LRMDA: variants seen among roughly 807,000 people sequenced by gnomAD.
The protein encoded by LRMDA is leucine-rich melanocyte differentiation-associated protein.
A neutral mutation model predicts 29.8 loss-of-function variants in LRMDA; 18 were observed. That is an observed-to-expected ratio of 0.60 (90% confidence interval 0.42 to 0.90). The LOEUF is 0.90. LRMDA is among the 40% of genes least tolerant of loss of function. The pLI is 0.00. For synonymous variants in LRMDA, 125 were observed against 109.4 expected (o/e 1.14, Z -0.89); for missense variants, 273 against 273.9 (o/e 1.00, Z 0.02).
chr10:76,315,331 T>C (rs1207746680), intron 5 of LRMDA, among the ~76,000 whole-genome samples: 1 of 152,176 alleles, frequency 6.6e-6, no homozygotes, highest in Non-Finnish European at 1.5e-5. Context: ...CCGCACTCCT[T>C]GGTGCAGCTG....
chr10:76,332,799 A>C (rs1840920696), intron 6 of LRMDA, among the ~76,000 whole-genome samples: 1 of 152,324 alleles, frequency 6.6e-6, no homozygotes, highest in Middle Eastern at 3.4e-3. Flanking sequence ...ACATGTCTTC[A>C]TTTAGTACCT....
At chr10:75,991,118 C>T (rs1258197783) in intron 2 of LRMDA, among the ~76,000 whole-genome samples, 1 of 152,086 alleles carries the variant, frequency 6.6e-6, no homozygotes, top group Non-Finnish European at 1.5e-5. Context: ...AGAGAGAACT[C>T]GGGTATGGCA....
intron 2 of LRMDA, among the ~76,000 whole-genome samples, chr10:75,527,856 T>C (rs9299528): frequency 0.49 from 73,772 of 150,872 alleles, 20,563 homozygotes; most frequent in African/African-American, 0.78. Flanking sequence ...GATTTTGGCT[T>C]ACTGCAGCCT....
intron 2 of LRMDA, among the ~76,000 whole-genome samples, chr10:75,579,866 C>A (rs567426020): frequency 1.3e-5 from 2 of 152,184 alleles, no homozygotes; most frequent in Non-Finnish European, 2.9e-5. Context: ...TGACAAAATT[C>A]AACAGCCTTT....
intron 4 of LRMDA, among the ~76,000 whole-genome samples, chr10:76,056,462 C>T (rs1487907409): frequency 6.6e-6 from 1 of 152,196 alleles, no homozygotes; most frequent in Non-Finnish European, 1.5e-5. Context: ...TGCTGCCAGC[C>T]ATCAACCTGC....
chr10:76,469,841 TC>T (rs1842600312), intron 6 of LRMDA, among the ~76,000 whole-genome samples: 1 of 152,088 alleles, frequency 6.6e-6, no homozygotes, highest in Non-Finnish European at 1.5e-5. Context: ...CATGTACAAT[TC>T]AGTGGCATCT....
At chr10:76,001,722 T>C (rs1015180481) in intron 2 of LRMDA, among the ~76,000 whole-genome samples, 1 of 152,210 alleles carries the variant, frequency 6.6e-6, no homozygotes, top group East Asian at 1.9e-4. Context: ...TTTTCAGATA[T>C]CAAACATTTC....
intron 6 of LRMDA, among the ~76,000 whole-genome samples, chr10:76,441,968 G>T (rs1232690986): frequency 2.0e-5 from 3 of 152,140 alleles, no homozygotes; most frequent in African/African-American, 7.2e-5. Flanking sequence ...TCTCTGCCTG[G>T]AATATCCAGA....
At chr10:75,917,233 C>G (rs1845949137) in intron 2 of LRMDA, among the ~76,000 whole-genome samples, 2 of 152,140 alleles carry the variant, frequency 1.3e-5, no homozygotes, top group South Asian at 4.1e-4. Flanking sequence ...CAGCTGCTCC[C>G]CAGTGTATGT....
rs145302049 is a variant in LRMDA, at chr10:76,543,020, G to A, written c.602-14189G>A. ...AGACGGGAAGATTATCTTAGGGTGC[G>A]CAGGGTGTGTGCTTAAGGCTCACAA... On this transcript the variant is annotated intron_variant, in intron 6 of 6. Transcript: ENST00000611255. Among the ~76,000 whole-genome samples, 261 of 152,270 alleles carry A rather than the reference G, an allele frequency of 1.7e-3. 1 individual carries two copies. Among genetic ancestry groups the A allele is most frequent in the African/African-American group, 5.9e-3 (246 of 41,546 alleles).
At chr10:76,537,604 A>G (rs1843304976) in intron 6 of LRMDA, among the ~76,000 whole-genome samples, 1 of 152,160 alleles carries the variant, frequency 6.6e-6, no homozygotes, top group Non-Finnish European at 1.5e-5. Flanking sequence ...GTGACACTGC[A>G]CCGCTCTGAC....
chr10:75,431,788 C>T (rs1844200878), intron 1 of LRMDA, 34 bp downstream of exon 1: 1 of 1,339,860 alleles, frequency 7.5e-7, no homozygotes, highest in Admixed American at 3.1e-5. Flanking sequence ...CCGCCCGGGG[C>T]GCAGTCCGCG....
chr10:75,706,838 C>T (rs911054355), intron 2 of LRMDA, among the ~76,000 whole-genome samples: 1 of 151,392 alleles, frequency 6.6e-6, no homozygotes, highest in African/African-American at 2.4e-5. Flanking sequence ...GTCCACCCTG[C>T]CATGCACCCT....
intron 2 of LRMDA, among the ~76,000 whole-genome samples, chr10:75,935,927 A>G (rs552614718): frequency 1.8e-4 from 27 of 152,266 alleles, no homozygotes; most frequent in African/African-American, 6.3e-4. Context: ...GTGATGCTTG[A>G]CGGGGCACAT....
Position 76,479,392 on chromosome 10 carries a change from C to T in LRMDA, c.602-77817C>T, listed in dbSNP as rs115836853. Among the ~76,000 whole-genome samples, 1,401 of 151,968 alleles carry T rather than the reference C, an allele frequency of 9.2e-3. 18 individuals carry two copies. The highest frequency in any genetic ancestry group is 0.032 in the African/African-American group (1,333 of 41,488). On this transcript the variant is annotated intron_variant, in intron 6 of 6. Transcript: ENST00000611255. The stretch of plus-strand genomic sequence containing the variant: ...GTGTAACCTGTGCAGTCACACCCCA[C>T]GCCATGCTCAGAAGGGCCCAGGCTT...
intron 6 of LRMDA, among the ~76,000 whole-genome samples, chr10:76,456,643 G>T (rs1190979540): frequency 1.4e-5 from 2 of 147,242 alleles, no homozygotes; most frequent in African/African-American, 2.5e-5. Flanking sequence ...TGAGAAAGTT[G>T]CACTCTTATT....
intron 6 of LRMDA, among the ~76,000 whole-genome samples, chr10:76,475,490 T>C (rs1842659213): frequency 6.6e-6 from 1 of 151,908 alleles, no homozygotes; most frequent in East Asian, 1.9e-4. Flanking sequence ...GACAGATCAA[T>C]GAGACAGAAA....
At chr10:75,813,160 G>A (rs994935113) in intron 2 of LRMDA, among the ~76,000 whole-genome samples, 1 of 152,174 alleles carries the variant, frequency 6.6e-6, no homozygotes, top group South Asian at 2.1e-4. Flanking sequence ...AAGAGTCTGA[G>A]GGGCGGCAAA....
rs34386674 is a variant in LRMDA at position 75,641,409 on chromosome 10, A to AATAT, written c.131+202925_131+202928dup. ...TTAATATGTGGATATGTTAATATAT[A>AATAT]ATATATATATATACAGATATTATTG... is the stretch of plus-strand genomic sequence containing the variant. On this transcript the variant is annotated intron_variant, in intron 2 of 6. Coordinates refer to ENST00000611255, the MANE Select transcript of LRMDA (RefSeq NM_001305581.2). 7.6e-3 allele frequency among the ~76,000 whole-genome samples: 1,128 copies of AATAT among 148,746 alleles called. 6 individuals are homozygous for AATAT. Among genetic ancestry groups the AATAT allele is most frequent in the Non-Finnish European group, 0.012 (803 of 67,240 alleles).
Sources: allele counts gnomAD v4.1 joint callset (sites outside exome capture counted in the v4.1 genomes callset), GRCh38; gene constraint gnomAD v4.1.1; transcripts MANE v1.5; gene names NCBI Gene and HGNC (gene_info 2026-07-23, HGNC 2026-07-21).